Variants in CYFIP1 observed in about 807,000 individuals in gnomAD.
CYFIP1 encodes the protein cytoplasmic FMR1-interacting protein 1.
In CYFIP1, 58 loss-of-function variants were observed where a neutral mutation model predicts 163.5. The ratio of observed to expected loss-of-function variants is 0.35; its 90% confidence interval spans 0.29 to 0.44. CYFIP1 has a LOEUF of 0.44. Ranked by LOEUF, CYFIP1 falls within the 20% of genes least tolerant of loss-of-function variation. The pLI, the probability that CYFIP1 is intolerant of heterozygous loss-of-function variation, is 1.00. For missense variants in CYFIP1, 1,338 were observed against 1,653.8 expected, an observed-to-expected ratio of 0.81 and a Z score of 3.31; for synonymous variants, 663 against 660.7, an observed-to-expected ratio of 1.00 and a Z score of -0.05.
rs147843941 is a variant in CYFIP1, at chr15:22,938,599, T to C, written c.795+593A>G. On this transcript the variant is annotated intron_variant, in intron 8 of 30. Coordinates refer to ENST00000617928, the MANE Select transcript of CYFIP1 (RefSeq NM_014608.6). ...GAGCCTGGGTGAAAGAGCAAAGCCCTGTCTCAAAAATAAAAAAAAAATAAA... is the reference window on the plus strand; with the variant it reads ...GAGCCTGGGTGAAAGAGCAAAGCCCCGTCTCAAAAATAAAAAAAAAATAAA... 5.3e-3 allele frequency among the ~76,000 whole-genome samples: 799 copies of C among 151,536 alleles called. 4 individuals carry two copies. Among genetic ancestry groups the C allele is most frequent in the African/African-American group, 0.018 (750 of 41,308 alleles).
At chr15:22,943,576 T>C (rs1490331198) in intron 5 of CYFIP1, among the ~76,000 whole-genome samples, 3 of 152,222 alleles carry the variant, frequency 2.0e-5, no homozygotes, top group Non-Finnish European at 4.4e-5. Context: ...CTTTACCAAC[T>C]ACATCACTAA....
At chr15:22,893,006 A>G in intron 22 of CYFIP1, 29 bp from the exon 23 acceptor site, 1 of 1,536,180 alleles carries the variant, frequency 6.5e-7, no homozygotes, top group Non-Finnish European at 9.0e-7. Flanking sequence ...AAAAAGAAAA[A>G]GAAACCAAAT....
In CYFIP1 at chr15:22,869,921, C is replaced by T; in HGVS notation, c.*107G>A. On this transcript the variant is annotated 3_prime_UTR_variant, in exon 31 of 31. Coordinates refer to ENST00000617928, the MANE Select transcript of CYFIP1 (RefSeq NM_014608.6). ...TAAGTTTTTAGATCGAAAAGCACCC[C>T]CTTTAACAGGTACAGAGATACTGAA... 1.9e-6 allele frequency: 2 copies of T among 1,031,108 alleles called. No homozygotes were observed. Among genetic ancestry groups the T allele is most frequent in the South Asian group, 5.4e-5 (2 of 37,148 alleles). The allele number at this position is 1,031,108 out of a possible 1,614,324, so 63.9% of individuals were successfully genotyped here. A position where few individuals can be genotyped will look rare whatever the true frequency, so the allele number is the denominator to read the frequency against.
At chr15:22,972,615 G>A (rs2063140000) in intron 1 of CYFIP1, among the ~76,000 whole-genome samples, 1 of 152,122 alleles carries the variant, frequency 6.6e-6, no homozygotes, top group East Asian at 1.9e-4. Context: ...AAAAGGATAG[G>A]TTCTTCAATA....
chr15:22,922,927 A>T (rs1417443591), intron 13 of CYFIP1, among the ~76,000 whole-genome samples: 3 of 151,842 alleles, frequency 2.0e-5, no homozygotes, highest in Non-Finnish European at 2.9e-5. Context: ...GGGAGGCAGA[A>T]GTTGCAGTGA....
At chr15:22,873,356 G>A (rs2059489948) in intron 29 of CYFIP1, 135 bp downstream of exon 29, 3 of 707,288 alleles carry the variant, frequency 4.2e-6, no homozygotes, top group African/African-American at 1.8e-5. Context: ...CACTACAGGA[G>A]GCTTAAAAGC....
At chr15:22,918,605 T>C (rs1409098639) in intron 14 of CYFIP1, 87 bp downstream of exon 14, 8 of 1,240,094 alleles carry the variant, frequency 6.5e-6, no homozygotes, top group Non-Finnish European at 7.7e-6. Context: ...GAAATCATTT[T>C]TGAGAATTTA....
At chr15:22,890,114 C>A (rs2060032489) in intron 23 of CYFIP1, among the ~76,000 whole-genome samples, 1 of 151,032 alleles carries the variant, frequency 6.6e-6, no homozygotes. Flanking sequence ...CCAACCTGGC[C>A]AACATGGTGA....
intron 11 of CYFIP1, among the ~76,000 whole-genome samples, chr15:22,929,806 G>T (rs1180388005): frequency 6.9e-6 from 1 of 145,820 alleles, no homozygotes; most frequent in South Asian, 2.2e-4. Flanking sequence ...CGTGGTGGCG[G>T]GCGCCTGTAG....
intron 13 of CYFIP1, among the ~76,000 whole-genome samples, chr15:22,925,237 G>C (rs2061321330): frequency 6.6e-6 from 1 of 152,126 alleles, no homozygotes; most frequent in African/African-American, 2.4e-5. Flanking sequence ...AAATGAATAT[G>C]AAACTACAGT....
intron 28 of CYFIP1, 144 bp from the exon 29 acceptor site, chr15:22,873,873 C>A: frequency 1.3e-6 from 1 of 742,170 alleles, no homozygotes; most frequent in Non-Finnish European, 2.3e-6. Context: ...CTCGCTGCAG[C>A]CTTGACTTCC....
intron 3 of CYFIP1, 35 bp downstream of exon 3, chr15:22,946,968 C>T: frequency 6.3e-7 from 1 of 1,580,814 alleles, no homozygotes. Flanking sequence ...ACGCCCTTCT[C>T]TGCAGAGAGA....
intron 23 of CYFIP1, among the ~76,000 whole-genome samples, chr15:22,885,114 C>T (rs984876752): frequency 6.6e-6 from 1 of 152,166 alleles, no homozygotes; most frequent in African/African-American, 2.4e-5. Context: ...TCCCCATTGT[C>T]TTGGTGATTG....
chr15:22,906,656 G>A (rs900397817), intron 21 of CYFIP1, among the ~76,000 whole-genome samples: 11 of 151,792 alleles, frequency 7.2e-5, no homozygotes, highest in Non-Finnish European at 1.3e-4. Context: ...TAGTAGAGAC[G>A]GGGTTTCACC....
intron 16 of CYFIP1, 51 bp from the exon 17 acceptor site, chr15:22,914,933 CT>C: frequency 6.4e-7 from 1 of 1,557,222 alleles, no homozygotes; most frequent in African/African-American, 1.4e-5. Context: ...AAAAAAAAAC[CT>C]TTAGCAGAGA....
intron 1 of CYFIP1, among the ~76,000 whole-genome samples, chr15:22,978,711 G>A (rs985328197): frequency 6.6e-6 from 1 of 151,992 alleles, no homozygotes; most frequent in Non-Finnish European, 1.5e-5. Flanking sequence ...GTATCCGAGA[G>A]CCACACTTTT....
chr15:22,946,672 A>C, intron 3 of CYFIP1: 1 of 428,110 alleles, frequency 2.3e-6, no homozygotes. Context: ...TAACAATGCA[A>C]TTCATTTATA....
At chr15:22,943,817 T>C (rs530281695) in intron 5 of CYFIP1, among the ~76,000 whole-genome samples, 1 of 152,262 alleles carries the variant, frequency 6.6e-6, no homozygotes, top group East Asian at 1.9e-4. Flanking sequence ...AATACTTCTT[T>C]AAAAAGCAGC....
chr15:22,980,736 G>A (rs1001787871), upstream of CYFIP1, among the ~76,000 whole-genome samples: 1 of 152,126 alleles, frequency 6.6e-6, no homozygotes, highest in Non-Finnish European at 1.5e-5. Context: ...TGCGGAAGGA[G>A]CTCAGGGGGA....
Sources: gnomAD v4.1 joint callset for allele counts (sites outside exome capture counted in the v4.1 genomes callset) on GRCh38, gnomAD v4.1.1 for gene constraint, MANE v1.5 for transcripts, NCBI Gene and HGNC (gene_info 2026-07-23, HGNC 2026-07-21) for gene names.